GADL1: variants seen among roughly 807,000 people sequenced by gnomAD.
GADL1 encodes GAD like acidic amino acid decarboxylase 1.
In GADL1, 71 loss-of-function variants were observed where a neutral mutation model predicts 69.5. The ratio of observed to expected loss-of-function variants is 1.02; its 90% CI spans 0.84 to 1.25. The LOEUF (loss-of-function observed/expected upper bound fraction) is 1.25. Ranked by LOEUF, GADL1 falls within the 50% of genes most tolerant of loss-of-function variation. The probability of loss-of-function intolerance (pLI) is 0.00; values close to 1 mark genes in which losing one functional copy is unlikely to be tolerated. For missense variants in GADL1, 737 were observed against 631.8 expected, an observed-to-expected ratio of 1.17 and a Z score of -1.79; for synonymous variants, 254 against 214.4, an observed-to-expected ratio of 1.18 and a Z score of -1.62.
chr3:30,849,980 CA>C lies in GADL1; in HGVS notation c.651+15del. 2.1e-6 allele frequency: 3 copies of C among 1,440,386 alleles called. No individual in the cohort carries two copies. The highest frequency in any genetic ancestry group is 1.7e-5 in the Admixed American group (1 of 58,678). 89.2% of individuals were successfully genotyped at this position (1,440,386 alleles called of 1,614,324 possible). On this transcript the variant is annotated intron_variant, in intron 6 of 14. Transcript: ENST00000282538. ...TTCTCAGAAAATCTATATTCAATAC[CA>C]AAAATAATTTTTACCTCTGCAGATG...
At chr3:30,830,665 C>T (rs959418578) in intron 11 of GADL1, among the ~76,000 whole-genome samples, 2 of 151,952 alleles carry the variant, frequency 1.3e-5, no homozygotes, top group African/African-American at 4.8e-5. Context: ...ATCTATAACC[C>T]ATTCCTATGA....
chr3:30,754,996 T>C (rs902057399), intron 14 of GADL1, among the ~76,000 whole-genome samples: 1 of 152,284 alleles, frequency 6.6e-6, no homozygotes, highest in South Asian at 2.1e-4. Context: ...CACTTTAGCA[T>C]TTTCAGCATC....
chr3:30,729,985 G>A (rs1238488028), intron 14 of GADL1, among the ~76,000 whole-genome samples: 1 of 152,178 alleles, frequency 6.6e-6, no homozygotes, highest in Non-Finnish European at 1.5e-5. Context: ...AAAAGGTGAT[G>A]TTAGAGGTCA....
intron 14 of GADL1, among the ~76,000 whole-genome samples, chr3:30,758,492 G>A (rs1696035340): frequency 1.3e-5 from 2 of 151,964 alleles, no homozygotes; most frequent in African/African-American, 4.8e-5. Flanking sequence ...CTGGCTCTGA[G>A]TAACTGACAA....
chr3:30,743,013 C>T (rs1047724410), intron 14 of GADL1, among the ~76,000 whole-genome samples: 6 of 151,858 alleles, frequency 4.0e-5, no homozygotes, highest in Non-Finnish European at 8.8e-5. Context: ...TTGTATGCTA[C>T]ACCAGCTGAC....
intron 4 of GADL1, among the ~76,000 whole-genome samples, chr3:30,853,358 G>A (rs974825544): frequency 2.7e-5 from 4 of 146,418 alleles, no homozygotes; most frequent in African/African-American, 7.3e-5. Flanking sequence ...AAATTCTCAA[G>A]TGATTTTCAT....
intron 11 of GADL1, among the ~76,000 whole-genome samples, chr3:30,831,298 TC>T (rs1235271884): frequency 1.3e-5 from 2 of 151,896 alleles, no homozygotes; most frequent in African/African-American, 2.4e-5. Flanking sequence ...TACGCTTTTT[TC>T]AGTTTCTAAA....
intron 14 of GADL1, among the ~76,000 whole-genome samples, chr3:30,752,280 G>C (rs1173310877): frequency 6.6e-6 from 1 of 152,066 alleles, no homozygotes; most frequent in Non-Finnish European, 1.5e-5. Flanking sequence ...AGGCTGGCAC[G>C]AAACACAGCT....
chr3:30,764,618 A>C (rs1477654460), intron 14 of GADL1, among the ~76,000 whole-genome samples: 1 of 152,244 alleles, frequency 6.6e-6, no homozygotes, highest in Non-Finnish European at 1.5e-5. Context: ...AGTGGAACAC[A>C]ATAGATGCTC....
At chr3:30,804,528 C>G (rs1697219368) in intron 11 of GADL1, among the ~76,000 whole-genome samples, 1 of 151,720 alleles carries the variant, frequency 6.6e-6, no homozygotes, top group African/African-American at 2.4e-5. Flanking sequence ...TCCCCCACCC[C>G]GATATCTCCC....
At chr3:30,834,029 TCATA>T (rs1350973741) in intron 10 of GADL1, 95 bp from the exon 11 acceptor site, 4 of 952,478 alleles carry the variant, frequency 4.2e-6, no homozygotes, top group Admixed American at 1.9e-5. Flanking sequence ...CATTCAGTAC[TCATA>T]CATAGTTTAC....
At chr3:30,806,255 ATCT>A (rs1361839468) in intron 11 of GADL1, among the ~76,000 whole-genome samples, 1 of 152,156 alleles carries the variant, frequency 6.6e-6, no homozygotes. Context: ...AATATTAATC[ATCT>A]TTTAATAATT....
intron 11 of GADL1, among the ~76,000 whole-genome samples, chr3:30,818,255 A>T (rs1277642882): frequency 1.3e-5 from 2 of 152,206 alleles, no homozygotes; most frequent in African/African-American, 4.8e-5. Flanking sequence ...TAAACATTAT[A>T]CTGTGGAGGT....
chr3:30,823,481 G>A (rs1308737111), intron 11 of GADL1, among the ~76,000 whole-genome samples: 1 of 151,932 alleles, frequency 6.6e-6, no homozygotes, highest in Non-Finnish European at 1.5e-5. Context: ...AAAATGTCAA[G>A]CATTGGTCCT....
chr3:30,809,850 T>A (rs973171673), intron 11 of GADL1, among the ~76,000 whole-genome samples: 4 of 152,262 alleles, frequency 2.6e-5, no homozygotes, highest in African/African-American at 9.6e-5. Context: ...ACATTCATAC[T>A]GCAAGAAGGG....
chr3:30,831,554 A>G (rs1697793376), intron 11 of GADL1, among the ~76,000 whole-genome samples: 1 of 151,962 alleles, frequency 6.6e-6, no homozygotes, highest in Non-Finnish European at 1.5e-5. Context: ...GCAACATTTC[A>G]AAATTACCCC....
chr3:30,752,718 C>T (rs910926425), intron 14 of GADL1, among the ~76,000 whole-genome samples: 5 of 152,200 alleles, frequency 3.3e-5, no homozygotes, highest in African/African-American at 1.2e-4. Flanking sequence ...GAACTTCCCC[C>T]AGCTCTTAGT....
chr3:30,822,603 T>A (rs938499228), intron 11 of GADL1, among the ~76,000 whole-genome samples: 1 of 152,084 alleles, frequency 6.6e-6, no homozygotes, highest in Non-Finnish European at 1.5e-5. Context: ...AAGAAAATTT[T>A]AAATGATTTA....
chr3:30,761,342 CACAA>C (rs781564622), intron 14 of GADL1, among the ~76,000 whole-genome samples: 7 of 152,108 alleles, frequency 4.6e-5, no homozygotes, highest in East Asian at 1.9e-4. Context: ...GAATTCTAGA[CACAA>C]ACAACTAAGT....
Sources: gnomAD v4.1 joint callset for allele counts (sites outside exome capture counted in the v4.1 genomes callset) on GRCh38, gnomAD v4.1.1 for gene constraint, MANE v1.5 for transcripts, NCBI Gene and HGNC (gene_info 2026-07-23, HGNC 2026-07-21) for gene names.